The following ABLIM2 variants were observed in gnomAD, a reference collection of about 807,000 sequenced individuals.
ABLIM2 encodes actin-binding LIM protein 2.
ABLIM2 carries 53 observed loss-of-function variants against 97.7 expected under a neutral mutation model. That is an observed-to-expected ratio of 0.54 (90% CI 0.44 to 0.68). The LOEUF (loss-of-function observed/expected upper bound fraction) is 0.68. Ranked by LOEUF, ABLIM2 falls within the 30% of genes least tolerant of loss-of-function variation. The probability of loss-of-function intolerance (pLI) is 0.00; values close to 1 mark genes in which losing one functional copy is unlikely to be tolerated. For missense variants in ABLIM2, 835 were observed against 867.2 expected (o/e 0.96, Z 0.47); for synonymous variants, 361 against 345.8 (o/e 1.04, Z -0.49).
In ABLIM2 at chr4:8,123,203, A is replaced by T. The variant is rs1846255317; in HGVS notation, c.11-16566T>A. ...TCTTCCCTGGCAGCTGGTGCCCCTT[A>T]CTTGGGGTCTCTAATCCCTGCCTGG... On this transcript the variant is annotated intron_variant, in intron 1 of 20. Coordinates refer to ENST00000447017, the MANE Select transcript of ABLIM2 (RefSeq NM_001130083.2). The surrounding 1 kb of genome is among the most constrained non-coding windows in gnomAD (Gnocchi z 6.2). Among the ~76,000 whole-genome samples the T allele has an allele frequency of 2.6e-5, 4 of 151,986 alleles. No homozygotes were observed. Among genetic ancestry groups the T allele is most frequent in the Admixed American group, 1.3e-4 (2 of 15,264 alleles).
At chr4:8,107,438 C>T (rs1309925040) in intron 1 of ABLIM2, among the ~76,000 whole-genome samples, 1 of 152,262 alleles carries the variant, frequency 6.6e-6, no homozygotes, top group Non-Finnish European at 1.5e-5. Context: ...CAACAGTGAC[C>T]ACCAGGTGGC....
intron 1 of ABLIM2, among the ~76,000 whole-genome samples, chr4:8,129,058 A>AC (rs958332571): frequency 1.1e-4 from 16 of 151,546 alleles, no homozygotes; most frequent in African/African-American, 3.9e-4. Context: ...GGCTGCCAGC[A>AC]CCCCCATAGG....
At chr4:8,144,156 G>A (rs908445727) in intron 1 of ABLIM2, among the ~76,000 whole-genome samples, 6 of 152,210 alleles carry the variant, frequency 3.9e-5, no homozygotes, top group African/African-American at 1.4e-4. Flanking sequence ...CAGAGTTGGG[G>A]AAAGGGAAGG....
At chr4:8,020,330 G>A (rs751802931) in intron 12 of ABLIM2, 27 bp from the exon 13 acceptor site, 181 of 1,579,728 alleles carry the variant, frequency 1.1e-4, no homozygotes, top group Non-Finnish European at 1.6e-4. Context: ...AAAGGCAGCA[G>A]ATAGAAGGGG....
chr4:7,976,225 C>T (rs765816123), intron 20 of ABLIM2, among the ~76,000 whole-genome samples: 1 of 152,202 alleles, frequency 6.6e-6, no homozygotes, highest in Non-Finnish European at 1.5e-5. Flanking sequence ...ACCCGCACAG[C>T]CTGCAGCGAC....
chr4:8,145,713 G>A (rs1234546933), intron 1 of ABLIM2, among the ~76,000 whole-genome samples: 2 of 148,482 alleles, frequency 1.3e-5, no homozygotes, highest in Admixed American at 6.7e-5. Flanking sequence ...TTTTATAACC[G>A]TAGACTAAAT....
chr4:8,059,495 C>T (rs1015449820), intron 7 of ABLIM2, among the ~76,000 whole-genome samples: 48 of 152,224 alleles, frequency 3.2e-4, no homozygotes, highest in African/African-American at 9.1e-4. Context: ...ACTCCTCCCC[C>T]TTGCCTAAGG....
In ABLIM2 at chr4:8,124,771, C is replaced by A. The variant is rs777145818; in HGVS notation, c.11-18134G>T. ...GGTTTGCATGCTTTTTGGGTAGATA[C>A]CCAGGAGTGGAGTTGCTGGGTCCTG... On this transcript the variant is annotated intron_variant, in intron 1 of 20. Transcript: ENST00000447017. The surrounding 1 kb of genome is among the most constrained non-coding windows in gnomAD (Gnocchi z 6.1). 6.6e-6 allele frequency among the ~76,000 whole-genome samples: 1 copy of A among 152,196 alleles called. No individual in the cohort carries two copies. Among genetic ancestry groups the A allele is most frequent in the East Asian group, 1.9e-4 (1 of 5,180 alleles).
At position 7,992,793 on chromosome 4, in the gene ABLIM2, G is replaced by A; in HGVS notation, c.1680+73C>T. ...GCCTCTCCTCCTGCTGTGTGGTCAA[G>A]AAGCTGTGGGAAACGTGCTCAGCCT... On this transcript the variant is annotated intron_variant, in intron 17 of 20. Coordinates refer to ENST00000447017, the MANE Select transcript of ABLIM2 (RefSeq NM_001130083.2). The surrounding 1 kb of genome is among the most constrained non-coding windows in gnomAD (Gnocchi z 5.7). 1 of 1,529,516 alleles carries A rather than the reference G, an allele frequency of 6.5e-7. No individual in the cohort carries two copies. The highest frequency in any genetic ancestry group is 1.2e-5 in the South Asian group (1 of 85,460). The allele number at this position is 1,529,516 out of a possible 1,614,324, so 94.7% of individuals were successfully genotyped here. A position where few individuals can be genotyped will look rare whatever the true frequency, so the allele number is the denominator to read the frequency against.
At position 8,058,688 on chromosome 4, in the gene ABLIM2, C is replaced by G. The variant is rs1362498506; in HGVS notation, c.763+2279G>C. On this transcript the variant is annotated intron_variant, in intron 7 of 20. Coordinates refer to ENST00000447017, the MANE Select transcript of ABLIM2 (RefSeq NM_001130083.2). The surrounding 1 kb of genome is among the most constrained non-coding windows in gnomAD (Gnocchi z 4.2). ...GACCAGACCCTTGGGTCAGGCTCCT[C>G]TGAACCCTCTTCTCAATTAGGCCTC... Among the ~76,000 whole-genome samples, 2 of 152,194 alleles carry G rather than the reference C, an allele frequency of 1.3e-5. No homozygotes were observed. Among genetic ancestry groups the G allele is most frequent in the Admixed American group, 6.5e-5 (1 of 15,284 alleles).
chr4:8,152,240 G>A (rs1484247917), intron 1 of ABLIM2, among the ~76,000 whole-genome samples: 1 of 152,222 alleles, frequency 6.6e-6, no homozygotes, highest in East Asian at 1.9e-4. Context: ...GCAGGGGATA[G>A]GCAGACAGCG....
chr4:8,089,130 C>T (rs756202239), intron 3 of ABLIM2, among the ~76,000 whole-genome samples: 1 of 152,210 alleles, frequency 6.6e-6, no homozygotes, highest in Non-Finnish European at 1.5e-5. Context: ...AGTCCGCCTC[C>T]GCAGCAAGTG....
In ABLIM2 at chr4:8,095,805, G is replaced by A. The variant is rs73796863; in HGVS notation, c.338+1294C>T. Among the ~76,000 whole-genome samples the A allele has an allele frequency of 6.6e-6, 1 of 152,112 alleles. No individual in the cohort carries two copies. The highest frequency in any genetic ancestry group is 1.9e-4 in the East Asian group (1 of 5,178). ...TTTTGGTGTCCACACTGCATGCCCT[G>A]GGGTTCGACGAGGAATCTCTGCCCT... On this transcript the variant is annotated intron_variant, in intron 3 of 20. Transcript: ENST00000447017. The surrounding 1 kb of genome is among the most constrained non-coding windows in gnomAD (Gnocchi z 4.7).
At chr4:8,115,253 C>T (rs929836143) in intron 1 of ABLIM2, among the ~76,000 whole-genome samples, 2 of 152,218 alleles carry the variant, frequency 1.3e-5, no homozygotes, top group Non-Finnish European at 2.9e-5. Flanking sequence ...GCCCTCAGTG[C>T]CCTGCTCAGG....
rs79536189 is a variant in ABLIM2 at position 8,127,277 on chromosome 4, C to A, written c.11-20640G>T. On this transcript the variant is annotated intron_variant, in intron 1 of 20. Coordinates refer to ENST00000447017, the MANE Select transcript of ABLIM2 (RefSeq NM_001130083.2). This position sits in a 1 kb window ranked among gnomAD's most constrained non-coding sequence, Gnocchi z 7.3. The stretch of plus-strand genomic sequence containing the variant: ...GGTTGGATCAGACTCTTCCCGTCCC[C>A]AGCCTTAGCTGACCTGTACAATGGG... Among the ~76,000 whole-genome samples the A allele has an allele frequency of 3.5e-3, 537 of 152,326 alleles. 2 individuals carry two copies. The highest frequency in any genetic ancestry group is 6.1e-3 in the Non-Finnish European group (415 of 68,028).
intron 12 of ABLIM2, among the ~76,000 whole-genome samples, chr4:8,027,103 C>G (rs150193895): frequency 0.019 from 2,864 of 152,308 alleles, 40 homozygotes; most frequent in Middle Eastern, 0.037. Flanking sequence ...CCTCATCTAA[C>G]TGATCACCTC....
rs773782068 is a variant in ABLIM2, at chr4:8,045,266, T to C, written c.823-25A>G. Reference sequence around the variant, plus strand: ...CCTGAGAAAGGAGAGAGGAAGAGATTGAAGGCAGGTACCAACATTCGGGGC... The same window carrying C: ...CCTGAGAAAGGAGAGAGGAAGAGATCGAAGGCAGGTACCAACATTCGGGGC... On this transcript the variant is annotated intron_variant, in intron 8 of 20. Transcript: ENST00000447017. The C allele has an allele frequency of 1.6e-5, 25 of 1,600,342 alleles. No individual in the cohort carries two copies. The African/African-American group carries it at 3.2e-4, about 21-fold the overall frequency.
rs201108977 is a variant in ABLIM2 at position 8,044,641 on chromosome 4, G to C, written c.900+523C>G. 8.1e-5 allele frequency among the ~76,000 whole-genome samples: 10 copies of C among 124,138 alleles called. No homozygotes were observed. Among genetic ancestry groups the C allele is most frequent in the East Asian group, 2.4e-4 (1 of 4,238 alleles). The allele number at this position is 124,138 out of a possible 152,430, so 81.4% of individuals were successfully genotyped here. A position where few individuals can be genotyped will look rare whatever the true frequency, so the allele number is the denominator to read the frequency against. Reference sequence around the variant, plus strand: ...ATTATGGAAGCGTGTGAGGCGCACAGACACACACACACACACACACACACA... The same window carrying C: ...ATTATGGAAGCGTGTGAGGCGCACACACACACACACACACACACACACACA... On this transcript the variant is annotated intron_variant, in intron 9 of 20. Coordinates refer to ENST00000447017, the MANE Select transcript of ABLIM2 (RefSeq NM_001130083.2). The surrounding 1 kb of genome is among the most constrained non-coding windows in gnomAD (Gnocchi z 4.4).
chr4:7,989,375 G>A, intron 17 of ABLIM2: 1 of 983,478 alleles, frequency 1.0e-6, no homozygotes, highest in Admixed American at 6.2e-5. Flanking sequence ...CACTTTGCCT[G>A]GCCCCATTTG....
Sources: allele counts gnomAD v4.1 joint callset (sites outside exome capture counted in the v4.1 genomes callset), GRCh38; gene constraint gnomAD v4.1.1; non-coding constraint Gnocchi (gnomAD v3.1); transcripts MANE v1.5; gene names NCBI Gene and HGNC (gene_info 2026-07-23, HGNC 2026-07-21).